Variants in DSCAML1 observed in about 807,000 individuals in gnomAD.
DSCAML1 encodes the protein cell adhesion molecule DSCAML1.
Under a neutral mutation model 200.5 loss-of-function variants are expected in DSCAML1, and 38 were observed. The observed-to-expected ratio is 0.19, with a 90% confidence interval of 0.15 to 0.25. The LOEUF is 0.25. DSCAML1 is among the 10% of genes least tolerant of loss of function. DSCAML1 has a pLI of 1.00. For missense variants in DSCAML1, 2,223 were observed against 2,858.8 expected, an observed-to-expected ratio of 0.78 and a Z score of 5.07; for synonymous variants, 1,215 against 1,165.0, an observed-to-expected ratio of 1.04 and a Z score of -0.87.
At chr11:117,655,042 C>T (rs7950637) in intron 3 of DSCAML1, among the ~76,000 whole-genome samples, 5,382 of 152,348 alleles carry the variant, frequency 0.035, 314 homozygotes, top group African/African-American at 0.12. Flanking sequence ...AGCACATCCC[C>T]TCTCTCCAAA....
At chr11:117,508,494 G>A (rs1329990710) in intron 8 of DSCAML1, among the ~76,000 whole-genome samples, 4 of 151,780 alleles carry the variant, frequency 2.6e-5, no homozygotes, top group East Asian at 1.9e-4. Flanking sequence ...GTTCACCTGC[G>A]AGAGGGCAGG....
intron 1 of DSCAML1, among the ~76,000 whole-genome samples, chr11:117,793,517 A>G (rs2055514763): frequency 6.6e-6 from 1 of 152,154 alleles, no homozygotes; most frequent in Admixed American, 6.5e-5. Context: ...TAAGACACAG[A>G]GAAGGTCAGG....
chr11:117,679,159 C>T (rs545093797), intron 3 of DSCAML1, among the ~76,000 whole-genome samples: 5 of 152,196 alleles, frequency 3.3e-5, no homozygotes, highest in African/African-American at 7.2e-5. Context: ...TGGGACGATG[C>T]GTGTTAGGCA....
At chr11:117,790,905 C>G (rs968204523) in intron 1 of DSCAML1, among the ~76,000 whole-genome samples, 1 of 152,154 alleles carries the variant, frequency 6.6e-6, no homozygotes, top group African/African-American at 2.4e-5. Flanking sequence ...ACATGCATCT[C>G]TTTAGAATCA....
chr11:117,589,213 G>A (rs1172273279), intron 3 of DSCAML1, among the ~76,000 whole-genome samples: 1 of 151,934 alleles, frequency 6.6e-6, no homozygotes, highest in Non-Finnish European at 1.5e-5. Context: ...ATATTAAAAT[G>A]CAAGCGACCG....
chr11:117,602,650 C>T (rs548112674), intron 3 of DSCAML1, among the ~76,000 whole-genome samples: 3 of 152,198 alleles, frequency 2.0e-5, no homozygotes, highest in African/African-American at 4.8e-5. Context: ...TGAGAGCCAC[C>T]GTAGTAGGCC....
At chr11:117,682,977 C>A (rs566040442) in intron 3 of DSCAML1, among the ~76,000 whole-genome samples, 3 of 152,338 alleles carry the variant, frequency 2.0e-5, no homozygotes, top group African/African-American at 7.2e-5. Context: ...TCCCACTTTA[C>A]ACCATAATGT....
In DSCAML1 at chr11:117,616,431, A is replaced by G. The variant is rs28421799; in HGVS notation, c.512-83909T>C. ...GAAGACTGTACTGCTACTGATGTAT[A>G]CAGGTTGTTCCTTTCCATTGTTGTA... On this transcript the variant is annotated intron_variant, in intron 3 of 32. Transcript: ENST00000651296. 3.8e-3 allele frequency among the ~76,000 whole-genome samples: 577 copies of G among 152,346 alleles called. 4 individuals are homozygous for G. Among genetic ancestry groups the G allele is most frequent in the African/African-American group, 0.013 (544 of 41,574 alleles).
intron 4 of DSCAML1, among the ~76,000 whole-genome samples, chr11:117,528,104 C>G (rs368158351): frequency 6.6e-6 from 1 of 152,168 alleles, no homozygotes; most frequent in Non-Finnish European, 1.5e-5. Flanking sequence ...GCTGCAGATG[C>G]GTGGGACAAT....
intron 20 of DSCAML1, among the ~76,000 whole-genome samples, chr11:117,447,334 A>G (rs1235538719): frequency 1.3e-5 from 2 of 152,224 alleles, no homozygotes; most frequent in Non-Finnish European, 2.9e-5. Context: ...GGTGTAGGAA[A>G]GCACCAACAG....
At chr11:117,683,640 T>G (rs79807999) in intron 3 of DSCAML1, among the ~76,000 whole-genome samples, 6,996 of 152,272 alleles carry the variant, frequency 0.046, 239 homozygotes, top group Non-Finnish European at 0.058. Flanking sequence ...GGGGTCGAGC[T>G]TGTAGCCTCT....
chr11:117,509,935 G>A lies in DSCAML1; in HGVS notation c.1784-4203C>T, dbSNP rs188324864. 1.5e-4 allele frequency among the ~76,000 whole-genome samples: 23 copies of A among 152,330 alleles called. No individual in the cohort carries two copies. The East Asian group carries it at 3.9e-3, about 26-fold the overall frequency. ...CCCTAGCAGGCAGCTGGATGTAGGG[G>A]GCATGAATGCCTCACAACCCAGGGC... On this transcript the variant is annotated intron_variant, in intron 8 of 32. Transcript: ENST00000651296.
intron 1 of DSCAML1, among the ~76,000 whole-genome samples, chr11:117,785,168 A>G (rs1278489370): frequency 1.3e-5 from 2 of 152,190 alleles, no homozygotes; most frequent in African/African-American, 4.8e-5. Context: ...ATCAAAGACA[A>G]GGAGAATGGC....
Position 117,451,754 on chromosome 11 carries a change from G to T in DSCAML1, c.3569-1066C>A, listed in dbSNP as rs575407879. 6.7e-4 allele frequency among the ~76,000 whole-genome samples: 101 copies of T among 151,874 alleles called. 1 individual carries two copies. Among genetic ancestry groups the T allele is most frequent in the Non-Finnish European group, 7.4e-5 (5 of 68,002 alleles). ...CACTTGAACACAGGAGGCGGAGGTTGCAGTGAGCTGAGATCACGCCATTGC... is the reference window on the plus strand; with the variant it reads ...CACTTGAACACAGGAGGCGGAGGTTTCAGTGAGCTGAGATCACGCCATTGC... On this transcript the variant is annotated intron_variant, in intron 19 of 32. Transcript: ENST00000651296.
chr11:117,508,433 G>A (rs2049550573), intron 8 of DSCAML1, among the ~76,000 whole-genome samples: 1 of 152,156 alleles, frequency 6.6e-6, no homozygotes, highest in Admixed American at 6.5e-5. Flanking sequence ...TGTCGGGTGA[G>A]GAAATGCACA....
At chr11:117,524,778 G>C (rs1459990200) in intron 5 of DSCAML1, 27 bp downstream of exon 5, 2 of 1,555,202 alleles carry the variant, frequency 1.3e-6, no homozygotes, top group Non-Finnish European at 1.7e-6. Flanking sequence ...GGTTACTGGG[G>C]CTGCAGAAGG....
At chr11:117,789,263 C>CA (rs1244638673) in intron 1 of DSCAML1, among the ~76,000 whole-genome samples, 1 of 152,202 alleles carries the variant, frequency 6.6e-6, no homozygotes, top group Non-Finnish European at 1.5e-5. Context: ...TTATGAGCAA[C>CA]AGCTGACTGT....
intron 11 of DSCAML1, among the ~76,000 whole-genome samples, chr11:117,495,296 C>G (rs1006386997): frequency 2.6e-5 from 4 of 152,184 alleles, no homozygotes; most frequent in African/African-American, 9.7e-5. Flanking sequence ...GATATCCTCC[C>G]CAGCACCTGG....
intron 3 of DSCAML1, among the ~76,000 whole-genome samples, chr11:117,548,804 G>A (rs540881908): frequency 3.5e-4 from 53 of 152,278 alleles, no homozygotes; most frequent in African/African-American, 1.3e-3. Flanking sequence ...AAGAAACCCC[G>A]CAGTCTTGAA....
Sources: allele counts gnomAD v4.1 joint callset (sites outside exome capture counted in the v4.1 genomes callset), GRCh38; gene constraint gnomAD v4.1.1; transcripts MANE v1.5; gene names NCBI Gene and HGNC (gene_info 2026-07-23, HGNC 2026-07-21).